Variants in ZFPM2 observed in about 807,000 individuals in gnomAD.
ZFPM2 encodes the protein zinc finger protein ZFPM2.
In ZFPM2, 20 loss-of-function variants were observed where a neutral mutation model predicts 98.6. That is an observed-to-expected ratio of 0.20 (90% CI 0.14 to 0.29). ZFPM2 has a LOEUF of 0.29. Ranked by LOEUF, ZFPM2 falls within the 10% of genes least tolerant of loss-of-function variation. The probability of loss-of-function intolerance (pLI) is 1.00; values close to 1 mark genes in which losing one functional copy is unlikely to be tolerated. For missense variants in ZFPM2, 1,310 were observed against 1,388.6 expected (o/e 0.94, Z 0.90); for synonymous variants, 518 against 502.7 (o/e 1.03, Z -0.41).
At chr8:105,788,990 C>G (rs1367888237) in intron 6 of ZFPM2, 66 bp downstream of exon 6, 2 of 1,359,224 alleles carry the variant, frequency 1.5e-6, no homozygotes, top group East Asian at 4.9e-5. Flanking sequence ...AAAAAAATGT[C>G]TACTGACAAG....
chr8:105,613,896 T>C (rs761710879), intron 4 of ZFPM2, among the ~76,000 whole-genome samples: 16 of 152,198 alleles, frequency 1.1e-4, no homozygotes, highest in Non-Finnish European at 1.3e-4. Flanking sequence ...GATGTAACTG[T>C]CTTTCAAGAT....
At chr8:105,681,801 A>G (rs1810610467) in intron 5 of ZFPM2, among the ~76,000 whole-genome samples, 1 of 151,952 alleles carries the variant, frequency 6.6e-6, no homozygotes, top group Non-Finnish European at 1.5e-5. Context: ...GCATAACTGG[A>G]CTCTATAATT....
chr8:105,646,462 A>G (rs575276892), intron 5 of ZFPM2, among the ~76,000 whole-genome samples: 2 of 152,248 alleles, frequency 1.3e-5, no homozygotes, highest in African/African-American at 4.8e-5. Context: ...ATCCTGTCAT[A>G]CTCAGGAACT....
intron 3 of ZFPM2, among the ~76,000 whole-genome samples, chr8:105,461,271 A>G (rs2130302969): frequency 6.6e-6 from 1 of 152,216 alleles, no homozygotes; most frequent in South Asian, 2.1e-4. Context: ...AGCATGGTAA[A>G]ATAAAAAAAC....
At chr8:105,799,283 G>C (rs1813928345) in intron 7 of ZFPM2, among the ~76,000 whole-genome samples, 1 of 152,056 alleles carries the variant, frequency 6.6e-6, no homozygotes, top group Non-Finnish European at 1.5e-5. Flanking sequence ...AGCAATCTTT[G>C]GAAACTGATC....
At chr8:105,460,037 A>T (rs1339774952) in intron 3 of ZFPM2, among the ~76,000 whole-genome samples, 1 of 152,144 alleles carries the variant, frequency 6.6e-6, no homozygotes, top group African/African-American at 2.4e-5. Context: ...GGTACCAGAT[A>T]GCATTCCCTG....
In ZFPM2 at chr8:105,685,591, G is replaced by A. The variant is rs143434300; in HGVS notation, c.532+51234G>A. Among the ~76,000 whole-genome samples the A allele has an allele frequency of 6.6e-5, 10 of 151,838 alleles. No homozygotes were observed. In the East Asian group the frequency reaches 1.9e-3, roughly 29 times the overall value. ...AATTTGACTTTTTTTTCCCAGCAAT[G>A]CCCTAGTATCTTTGTTTATTTCAGT... On this transcript the variant is annotated intron_variant, in intron 5 of 7. Transcript: ENST00000407775.
intron 5 of ZFPM2, among the ~76,000 whole-genome samples, chr8:105,698,898 A>G (rs1216922578): frequency 2.0e-5 from 3 of 152,120 alleles, no homozygotes; most frequent in Admixed American, 1.3e-4. Context: ...TTCCCATACA[A>G]TCAAAATCAG....
At chr8:105,384,104 G>A (rs779746858) in intron 1 of ZFPM2, among the ~76,000 whole-genome samples, 7 of 152,114 alleles carry the variant, frequency 4.6e-5, no homozygotes, top group Non-Finnish European at 1.0e-4. Flanking sequence ...CTCACTCACT[G>A]TAGACACAAT....
chr8:105,704,030 G>T (rs1811202081), intron 5 of ZFPM2, among the ~76,000 whole-genome samples: 2 of 152,024 alleles, frequency 1.3e-5, no homozygotes, highest in African/African-American at 4.8e-5. Flanking sequence ...CTCTCCTTTA[G>T]CACCAGTAGT....
chr8:105,372,858 G>T (rs1810651023), intron 1 of ZFPM2, among the ~76,000 whole-genome samples: 2 of 152,016 alleles, frequency 1.3e-5, no homozygotes, highest in African/African-American at 2.4e-5. Context: ...TTAATGGGAA[G>T]CAAGGAAAGT....
chr8:105,661,579 C>T (rs1252088845), intron 5 of ZFPM2, among the ~76,000 whole-genome samples: 1 of 152,096 alleles, frequency 6.6e-6, no homozygotes, highest in African/African-American at 2.4e-5. Context: ...TTTTCAGCTC[C>T]GAGTTGTCTG....
rs1491465803 is a variant in ZFPM2 at position 105,346,398 on chromosome 8, AAT to A, written c.40+27419_40+27420del. On this transcript the variant is annotated intron_variant, in intron 1 of 7. Coordinates refer to ENST00000407775, the MANE Select transcript of ZFPM2 (RefSeq NM_012082.4). The stretch of plus-strand genomic sequence containing the variant: ...AAACTCCATCTCAAAAAAAAAAAAA[AAT>A]AAATAAATAATAAAATAAGAGATTT... 2.3e-3 allele frequency among the ~76,000 whole-genome samples: 350 copies of A among 151,884 alleles called. 1 individual carries two copies. The highest frequency in any genetic ancestry group is 7.9e-3 in the African/African-American group (329 of 41,414).
At chr8:105,329,610 A>T (rs1207142795) in intron 1 of ZFPM2, among the ~76,000 whole-genome samples, 1 of 151,850 alleles carries the variant, frequency 6.6e-6, no homozygotes, top group African/African-American at 2.4e-5. Context: ...ATTTAATATT[A>T]AATTTAAACT....
intron 3 of ZFPM2, among the ~76,000 whole-genome samples, chr8:105,469,347 C>T (rs1460504313): frequency 6.6e-6 from 1 of 152,128 alleles, no homozygotes; most frequent in African/African-American, 2.4e-5. Context: ...TTCTGTTTTA[C>T]ATCTCTTTAC....
At chr8:105,472,888 CCT>C (rs1491384087) in intron 3 of ZFPM2, among the ~76,000 whole-genome samples, 20 of 110,456 alleles carry the variant, frequency 1.8e-4, no homozygotes, top group African/African-American at 6.5e-4. Flanking sequence ...CCTAAAGGGA[CCT>C]TTTTTTTTTT....
intron 5 of ZFPM2, among the ~76,000 whole-genome samples, chr8:105,709,398 T>C (rs566565412): frequency 8.5e-5 from 13 of 152,298 alleles, no homozygotes; most frequent in African/African-American, 3.1e-4. Context: ...GTGTTCTTGA[T>C]GTTTTCTTTT....
chr8:105,488,381 G>T (rs1173740118), intron 3 of ZFPM2, among the ~76,000 whole-genome samples: 1 of 152,136 alleles, frequency 6.6e-6, no homozygotes, highest in Non-Finnish European at 1.5e-5. Context: ...GAAGATGAGT[G>T]CGGGCAAATA....
intron 3 of ZFPM2, among the ~76,000 whole-genome samples, chr8:105,528,164 T>G (rs767167429): frequency 2.2e-4 from 34 of 152,118 alleles, no homozygotes; most frequent in Admixed American, 5.2e-4. Flanking sequence ...AAGGAAGGCT[T>G]GATGGGGAGG....
Sources: allele counts gnomAD v4.1 joint callset (sites outside exome capture counted in the v4.1 genomes callset), GRCh38; gene constraint gnomAD v4.1.1; transcripts MANE v1.5; gene names NCBI Gene and HGNC (gene_info 2026-07-23, HGNC 2026-07-21).